Variants in EIF4G3 observed in about 807,000 individuals in gnomAD.
The protein encoded by EIF4G3 is eukaryotic translation initiation factor 4 gamma 3.
Under a neutral mutation model 186.4 loss-of-function variants are expected in EIF4G3, and 34 were observed. The observed-to-expected ratio is 0.18, with a 90% CI of 0.14 to 0.24. The LOEUF (loss-of-function observed/expected upper bound fraction) is 0.24, where lower values mean the gene tolerates loss of function less well. Ranked by LOEUF, EIF4G3 falls within the 10% of genes least tolerant of loss-of-function variation. The probability of loss-of-function intolerance (pLI) is 1.00; values close to 1 mark genes in which losing one functional copy is unlikely to be tolerated. For missense variants in EIF4G3, 1,536 were observed against 1,948.5 expected, an observed-to-expected ratio of 0.79 and a Z score of 3.99; for synonymous variants, 673 against 679.5, an observed-to-expected ratio of 0.99 and a Z score of 0.15.
At chr1:20,974,000 A>G (rs1023269689) in intron 10 of EIF4G3, among the ~76,000 whole-genome samples, 2 of 152,190 alleles carry the variant, frequency 1.3e-5, no homozygotes, top group African/African-American at 2.4e-5. Context: ...AAGAAGACTC[A>G]AGGAAAACTC....
chr1:20,838,532 A>G (rs1360187411), intron 30 of EIF4G3, among the ~76,000 whole-genome samples: 2 of 152,144 alleles, frequency 1.3e-5, no homozygotes, highest in Admixed American at 1.3e-4. Flanking sequence ...TGCACTGGCT[A>G]GTTACTGGAC....
At chr1:20,914,139 A>G (rs558652722) in intron 14 of EIF4G3, among the ~76,000 whole-genome samples, 4 of 151,578 alleles carry the variant, frequency 2.6e-5, no homozygotes, top group African/African-American at 9.7e-5. Context: ...AGTTGCGGTT[A>G]GTGATGTAAA....
intron 15 of EIF4G3, among the ~76,000 whole-genome samples, chr1:20,900,849 G>C (rs1439520322): frequency 6.6e-6 from 1 of 152,146 alleles, no homozygotes; most frequent in Non-Finnish European, 1.5e-5. Context: ...GTAAAGTAGT[G>C]TCATATATAG....
At chr1:20,891,393 A>C (rs1013547492) in intron 18 of EIF4G3, among the ~76,000 whole-genome samples, 4 of 152,186 alleles carry the variant, frequency 2.6e-5, no homozygotes, top group African/African-American at 7.2e-5. Flanking sequence ...AATATTTGGC[A>C]AAACAAAGAT....
intron 12 of EIF4G3, among the ~76,000 whole-genome samples, chr1:20,962,437 T>A (rs529061379): frequency 6.6e-6 from 1 of 152,232 alleles, no homozygotes; most frequent in Non-Finnish European, 1.5e-5. Flanking sequence ...GTTTACATCA[T>A]CTGTTTATAA....
intron 13 of EIF4G3, among the ~76,000 whole-genome samples, chr1:20,948,994 A>G (rs2096088800): frequency 1.3e-5 from 2 of 151,360 alleles, no homozygotes; most frequent in Non-Finnish European, 2.9e-5. Context: ...AAAAAAAAGA[A>G]TAATTTTTAG....
intron 20 of EIF4G3, among the ~76,000 whole-genome samples, chr1:20,870,148 C>T (rs1051014271): frequency 6.6e-6 from 1 of 151,968 alleles, no homozygotes; most frequent in East Asian, 1.9e-4. Context: ...ACCGGTCACT[C>T]GCTGTTGCCC....
Position 21,030,169 on chromosome 1 carries a change from G to A in EIF4G3, c.-67+20697C>T, listed in dbSNP as rs79824363. Among the ~76,000 whole-genome samples the A allele has an allele frequency of 2.1e-3, 317 of 152,278 alleles. 2 individuals are homozygous for A. The highest frequency in any genetic ancestry group is 3.7e-3 in the Non-Finnish European group (254 of 68,014). On this transcript the variant is annotated intron_variant, in intron 4 of 36. Transcript: ENST00000602326. ...AATTACAGGTATGAGCCACTGGGCTGGTTGGAGAAATTTTAGACTTCAAGA... is the reference window on the plus strand; with the variant it reads ...AATTACAGGTATGAGCCACTGGGCTAGTTGGAGAAATTTTAGACTTCAAGA...
intron 8 of EIF4G3, among the ~76,000 whole-genome samples, chr1:20,981,645 ATGTATACATACATGTATACGCACATACT>A (rs2078178256): frequency 7.7e-6 from 1 of 129,594 alleles, no homozygotes; most frequent in Non-Finnish European, 1.7e-5. Context: ...CACATACTGT[ATGTATACATACATGTATACGCACATACT>A]GTATGTATAC....
At chr1:20,883,293 A>C (rs1437085738) in intron 19 of EIF4G3, among the ~76,000 whole-genome samples, 1 of 152,170 alleles carries the variant, frequency 6.6e-6, no homozygotes, top group Non-Finnish European at 1.5e-5. Context: ...ACATGAGGTC[A>C]GAGGAACTGG....
intron 12 of EIF4G3, among the ~76,000 whole-genome samples, chr1:20,966,628 C>T (rs1032373369): frequency 1.3e-5 from 2 of 151,966 alleles, no homozygotes; most frequent in Admixed American, 1.3e-4. Context: ...CCTGCCACCA[C>T]CCCTGGCTAG....
intron 31 of EIF4G3, among the ~76,000 whole-genome samples, 167 bp downstream of exon 31, chr1:20,828,980 A>C (rs1390289669): frequency 6.6e-6 from 1 of 152,136 alleles, no homozygotes; most frequent in Non-Finnish European, 1.5e-5. Context: ...GTGTAGACCT[A>C]GCATAAGGTA....
intron 13 of EIF4G3, among the ~76,000 whole-genome samples, chr1:20,945,141 TAA>T (rs200961050): frequency 6.8e-5 from 10 of 146,286 alleles, no homozygotes; most frequent in Admixed American, 2.7e-4. Context: ...AGAGCTAAAT[TAA>T]AAAAAAAAAC....
chr1:20,844,239 CA>C (rs1204982432), intron 29 of EIF4G3, among the ~76,000 whole-genome samples: 3 of 152,162 alleles, frequency 2.0e-5, no homozygotes. Context: ...CACACTTCCA[CA>C]ATGGTTGAAC....
chr1:20,923,479 G>T (rs1031039321), intron 14 of EIF4G3, among the ~76,000 whole-genome samples: 1 of 152,042 alleles, frequency 6.6e-6, no homozygotes, highest in African/African-American at 2.4e-5. Context: ...TTAATTCAAG[G>T]TAAATCTAGT....
At chr1:20,987,973 T>A (rs560146139) in intron 7 of EIF4G3, among the ~76,000 whole-genome samples, 2 of 152,296 alleles carry the variant, frequency 1.3e-5, no homozygotes, top group East Asian at 3.9e-4. Context: ...AACACACAAA[T>A]GATAAAGCAA....
At chr1:20,824,606 T>C (rs973457832) in intron 33 of EIF4G3, among the ~76,000 whole-genome samples, 1 of 152,246 alleles carries the variant, frequency 6.6e-6, no homozygotes, top group Non-Finnish European at 1.5e-5. Flanking sequence ...TGTAGATTTC[T>C]GGATCTAGTT....
chr1:20,880,844 C>G (rs1446161608), intron 19 of EIF4G3, among the ~76,000 whole-genome samples: 1 of 152,124 alleles, frequency 6.6e-6, no homozygotes. Flanking sequence ...ATATCATGTT[C>G]TTGTATTAGA....
chr1:20,978,951 T>C (rs1330484882), intron 10 of EIF4G3, among the ~76,000 whole-genome samples: 1 of 152,042 alleles, frequency 6.6e-6, no homozygotes, highest in Non-Finnish European at 1.5e-5. Context: ...ATCAAATCAA[T>C]TCTGCTGTAA....
Sources: allele counts gnomAD v4.1 joint callset (sites outside exome capture counted in the v4.1 genomes callset), GRCh38; gene constraint gnomAD v4.1.1; transcripts MANE v1.5; gene names NCBI Gene and HGNC (gene_info 2026-07-23, HGNC 2026-07-21).